ERC2: variants seen among roughly 807,000 people sequenced by gnomAD.
ERC2 encodes ELKS/RAB6-interacting/CAST family member 2.
ERC2 carries 42 observed loss-of-function variants against 114.8 expected under a neutral mutation model. The observed-to-expected ratio is 0.37, with a 90% CI of 0.29 to 0.47. ERC2 has a LOEUF of 0.47. Ranked by LOEUF, ERC2 falls within the 20% of genes least tolerant of loss-of-function variation. The probability of loss-of-function intolerance (pLI) is 0.99; values close to 1 mark genes in which losing one functional copy is unlikely to be tolerated. For synonymous variants in ERC2, 454 were observed against 425.5 expected (o/e 1.07, Z -0.82); for missense variants, 939 against 1,150.7 (o/e 0.82, Z 2.66).
At chr3:56,156,072 C>T (rs1271529630) in intron 4 of ERC2, among the ~76,000 whole-genome samples, 1 of 151,872 alleles carries the variant, frequency 6.6e-6, no homozygotes, top group African/African-American at 2.4e-5. Flanking sequence ...AACCAGATGC[C>T]GAAATGAAAT....
intron 14 of ERC2, among the ~76,000 whole-genome samples, chr3:55,886,434 A>G (rs1342768608): frequency 6.6e-6 from 1 of 152,206 alleles, no homozygotes; most frequent in Admixed American, 6.5e-5. Flanking sequence ...AACATTCCAT[A>G]TTGTTTTCTA....
At chr3:56,005,796 A>T (rs1183922392) in intron 10 of ERC2, among the ~76,000 whole-genome samples, 1 of 152,080 alleles carries the variant, frequency 6.6e-6, no homozygotes, top group Admixed American at 6.6e-5. Context: ...CTGCCTTATG[A>T]TCACAAAACT....
At chr3:55,545,140 T>C (rs556529148) in intron 17 of ERC2, among the ~76,000 whole-genome samples, 1 of 152,332 alleles carries the variant, frequency 6.6e-6, no homozygotes, top group East Asian at 1.9e-4. Context: ...GCTTTTATTC[T>C]TTAGAATATC....
intron 2 of ERC2, among the ~76,000 whole-genome samples, chr3:56,349,483 A>G (rs2058467036): frequency 6.6e-6 from 1 of 152,188 alleles, no homozygotes; most frequent in South Asian, 2.1e-4. Flanking sequence ...ATATTTCCCA[A>G]TCACACTTTA....
At chr3:56,333,452 A>G (rs1045369664) in intron 2 of ERC2, among the ~76,000 whole-genome samples, 3 of 152,252 alleles carry the variant, frequency 2.0e-5, no homozygotes, top group Admixed American at 1.3e-4. Context: ...CGTATCTAAC[A>G]TATATTTCTT....
At chr3:56,401,101 T>C (rs543707818) in intron 2 of ERC2, among the ~76,000 whole-genome samples, 2 of 152,374 alleles carry the variant, frequency 1.3e-5, no homozygotes, top group Admixed American at 6.5e-5. Flanking sequence ...TTTCTAGCTC[T>C]ACTTGAACCT....
At chr3:56,261,981 T>C (rs2052964732) in intron 3 of ERC2, among the ~76,000 whole-genome samples, 1 of 152,202 alleles carries the variant, frequency 6.6e-6, no homozygotes, top group African/African-American at 2.4e-5. Flanking sequence ...TTTCTGTTCC[T>C]GTGTTAGTTT....
At chr3:56,052,311 C>T (rs2075809295) in intron 7 of ERC2, among the ~76,000 whole-genome samples, 1 of 152,222 alleles carries the variant, frequency 6.6e-6, no homozygotes. Flanking sequence ...TCTCAATCCA[C>T]TTTAGGTTTT....
chr3:55,529,060 T>C (rs1304283443), intron 17 of ERC2, among the ~76,000 whole-genome samples: 1 of 152,218 alleles, frequency 6.6e-6, no homozygotes, highest in East Asian at 1.9e-4. Context: ...TTGAAGTTGA[T>C]AGGGTTTTGT....
intron 2 of ERC2, among the ~76,000 whole-genome samples, chr3:56,373,381 AAAG>A (rs1352338361): frequency 2.6e-5 from 4 of 152,222 alleles, no homozygotes; most frequent in Non-Finnish European, 5.9e-5. Context: ...TATAAGCTAA[AAAG>A]AAGGAGGAAT....
chr3:56,120,552 G>A (rs17056471), intron 6 of ERC2, among the ~76,000 whole-genome samples: 8,284 of 152,154 alleles, frequency 0.054, 655 homozygotes, highest in African/African-American at 0.17. Flanking sequence ...CACCTCAGCT[G>A]TAATTTTTTT....
chr3:55,546,858 T>C (rs990721037), intron 17 of ERC2, among the ~76,000 whole-genome samples: 20 of 152,194 alleles, frequency 1.3e-4, no homozygotes, highest in Non-Finnish European at 2.6e-4. Flanking sequence ...TTGGGCTCAA[T>C]GATTTATTGC....
chr3:56,018,436 A>C (rs565607770), intron 8 of ERC2, among the ~76,000 whole-genome samples: 4 of 152,280 alleles, frequency 2.6e-5, no homozygotes, highest in African/African-American at 7.2e-5. Flanking sequence ...TGAGGCAGGA[A>C]GGAGTATGGT....
intron 3 of ERC2, among the ~76,000 whole-genome samples, chr3:56,217,927 G>T (rs1250258938): frequency 6.6e-6 from 1 of 151,962 alleles, no homozygotes; most frequent in Non-Finnish European, 1.5e-5. Context: ...GGGAAAACTG[G>T]CTAGCCATAT....
In ERC2 at chr3:55,833,775, TA is replaced by T. The variant is rs746267479; in HGVS notation, c.2564+54613del. ...CACATAACAATATTAACTTTAAATG[TA>T]AATGGACAAAATGCTCCAATTAAAA... On this transcript the variant is annotated intron_variant, in intron 14 of 17. Transcript: ENST00000288221. Among the ~76,000 whole-genome samples, 257 of 152,300 alleles carry T rather than the reference TA, an allele frequency of 1.7e-3. 1 individual carries two copies. The highest frequency in any genetic ancestry group is 4.8e-3 in the Admixed American group (74 of 15,302).
chr3:56,452,888 C>G (rs897328055), intron 1 of ERC2, among the ~76,000 whole-genome samples: 1 of 152,172 alleles, frequency 6.6e-6, no homozygotes, highest in Non-Finnish European at 1.5e-5. Context: ...TTAGTAAATA[C>G]TCAGTACAAT....
At chr3:56,076,955 AG>A (rs2077004456) in intron 7 of ERC2, among the ~76,000 whole-genome samples, 1 of 152,174 alleles carries the variant, frequency 6.6e-6, no homozygotes, top group African/African-American at 2.4e-5. Context: ...GCATCAAAAC[AG>A]GGTTGCGAAA....
intron 15 of ERC2, 149 bp downstream of exon 15, chr3:55,734,622 G>T: frequency 1.2e-6 from 1 of 847,636 alleles, no homozygotes. Context: ...TGGTGTTGCA[G>T]CGACAACTGG....
At chr3:56,049,345 G>A (rs2075645638) in intron 7 of ERC2, among the ~76,000 whole-genome samples, 1 of 152,184 alleles carries the variant, frequency 6.6e-6, no homozygotes, top group African/African-American at 2.4e-5. Flanking sequence ...ACTTTAACAG[G>A]TGAAGGAACA....
Sources: allele counts gnomAD v4.1 joint callset (sites outside exome capture counted in the v4.1 genomes callset), GRCh38; gene constraint gnomAD v4.1.1; transcripts MANE v1.5; gene names NCBI Gene and HGNC (gene_info 2026-07-23, HGNC 2026-07-21).